Variants in ADAMTSL3 observed in about 807,000 individuals in gnomAD.
The protein encoded by ADAMTSL3 is ADAMTS like 3.
Under a neutral mutation model 201.7 loss-of-function variants are expected in ADAMTSL3, and 128 were observed. That is an observed-to-expected ratio of 0.63 (90% CI 0.55 to 0.73). The LOEUF is 0.73. ADAMTSL3 is among the 30% of genes least tolerant of loss of function. The probability of loss-of-function intolerance (pLI) is 0.00; values close to 1 mark genes in which losing one functional copy is unlikely to be tolerated. For missense variants in ADAMTSL3, 1,990 were observed against 2,119.6 expected, an observed-to-expected ratio of 0.94 and a Z score of 1.20; for synonymous variants, 738 against 748.4, an observed-to-expected ratio of 0.99 and a Z score of 0.23.
chr15:84,008,503 C>T (rs1240755066), intron 23 of ADAMTSL3, among the ~76,000 whole-genome samples: 1 of 152,142 alleles, frequency 6.6e-6, no homozygotes, highest in African/African-American at 2.4e-5. Flanking sequence ...TGTTTTCTAC[C>T]TACCATAGTA....
At chr15:83,667,017 T>C (rs1217880083) in intron 2 of ADAMTSL3, among the ~76,000 whole-genome samples, 4 of 152,094 alleles carry the variant, frequency 2.6e-5, no homozygotes, top group Admixed American at 6.5e-5. Context: ...ATTTTATTTT[T>C]GTTTATGTTT....
At chr15:83,870,992 C>G (rs2065069362) in intron 9 of ADAMTSL3, 33 bp downstream of exon 9, 1 of 1,598,516 alleles carries the variant, frequency 6.3e-7, no homozygotes, top group East Asian at 2.2e-5. Context: ...CTTCATGTAC[C>G]TGAATCCCAG....
At chr15:83,856,805 C>G (rs1019228838) in intron 7 of ADAMTSL3, among the ~76,000 whole-genome samples, 5 of 152,134 alleles carry the variant, frequency 3.3e-5, no homozygotes. Flanking sequence ...TCCCTGCTTT[C>G]AATTCTTTTG....
intron 2 of ADAMTSL3, among the ~76,000 whole-genome samples, chr15:83,682,264 A>G (rs571967997): frequency 2.4e-4 from 37 of 152,288 alleles, no homozygotes; most frequent in Non-Finnish European, 4.0e-4. Flanking sequence ...AGCCTGAGAC[A>G]GACCTGCCCA....
intron 16 of ADAMTSL3, among the ~76,000 whole-genome samples, chr15:83,918,776 A>G (rs1396771124): frequency 6.6e-6 from 1 of 152,228 alleles, no homozygotes; most frequent in Non-Finnish European, 1.5e-5. Context: ...TTATGTGACC[A>G]AATTTTTATT....
chr15:83,719,841 G>T (rs2062073227), intron 3 of ADAMTSL3, among the ~76,000 whole-genome samples: 2 of 152,188 alleles, frequency 1.3e-5, no homozygotes, highest in African/African-American at 2.4e-5. Context: ...TAATAAGGAA[G>T]TTGTGGCTTG....
intron 7 of ADAMTSL3, among the ~76,000 whole-genome samples, chr15:83,848,902 C>T (rs1388152998): frequency 4.6e-5 from 7 of 152,256 alleles, no homozygotes; most frequent in Admixed American, 3.9e-4. Context: ...CATATATTAC[C>T]TCATTGAACA....
chr15:83,988,838 T>A lies in ADAMTSL3; in HGVS notation c.3844+20T>A. 2 of 1,400,300 alleles carry A rather than the reference T, an allele frequency of 1.4e-6. No homozygotes were observed. Among genetic ancestry groups the A allele is most frequent in the Non-Finnish European group, 1.9e-6 (2 of 1,071,098 alleles). The allele number at this position is 1,400,300 out of a possible 1,614,324, so 86.7% of individuals were successfully genotyped here. On this transcript the variant is annotated intron_variant, in intron 22 of 29. Coordinates refer to ENST00000286744, the MANE Select transcript of ADAMTSL3 (RefSeq NM_207517.3). Reference sequence around the variant, plus strand: ...ATGCAGGTAATGCCCACTGTTGAAATCTAGAATGCCTGGTTCTTTATTTTT... The same window carrying A: ...ATGCAGGTAATGCCCACTGTTGAAAACTAGAATGCCTGGTTCTTTATTTTT...
intron 10 of ADAMTSL3, among the ~76,000 whole-genome samples, chr15:83,887,208 G>A (rs1461322097): frequency 2.6e-5 from 4 of 152,184 alleles, no homozygotes; most frequent in Non-Finnish European, 5.9e-5. Flanking sequence ...CTTTAAGCCA[G>A]TGTCTTTGGA....
chr15:83,897,359 A>G (rs1010792258), intron 13 of ADAMTSL3, among the ~76,000 whole-genome samples: 1 of 152,204 alleles, frequency 6.6e-6, no homozygotes, highest in African/African-American at 2.4e-5. Flanking sequence ...GTTTGGCTGA[A>G]TACTCTTTGA....
chr15:83,754,094 G>C (rs1294522543), intron 3 of ADAMTSL3, among the ~76,000 whole-genome samples: 1 of 152,144 alleles, frequency 6.6e-6, no homozygotes, highest in Non-Finnish European at 1.5e-5. Context: ...CTTTGTGGTG[G>C]GGACTGTCCT....
At chr15:83,782,786 C>T (rs1255359166) in intron 4 of ADAMTSL3, among the ~76,000 whole-genome samples, 2 of 151,890 alleles carry the variant, frequency 1.3e-5, no homozygotes, top group Non-Finnish European at 2.9e-5. Context: ...AGACTTAATA[C>T]TTGGGTGACA....
intron 19 of ADAMTSL3, among the ~76,000 whole-genome samples, chr15:83,967,332 C>T (rs1318121309): frequency 6.6e-6 from 1 of 152,148 alleles, no homozygotes; most frequent in African/African-American, 2.4e-5. Flanking sequence ...TCAGCAAAGT[C>T]TCAGGATACA....
intron 2 of ADAMTSL3, among the ~76,000 whole-genome samples, chr15:83,677,522 G>A (rs1465471178): frequency 3.3e-5 from 5 of 151,492 alleles, no homozygotes; most frequent in East Asian, 1.9e-4. Flanking sequence ...CTATGTCTCC[G>A]ATATTTTTCT....
chr15:83,664,099 G>T (rs944752573), intron 2 of ADAMTSL3, among the ~76,000 whole-genome samples: 3 of 152,162 alleles, frequency 2.0e-5, no homozygotes, highest in Non-Finnish European at 2.9e-5. Flanking sequence ...TCATGACGAT[G>T]TCGTCTCTCA....
chr15:83,992,172 T>G (rs1408972609), intron 23 of ADAMTSL3, among the ~76,000 whole-genome samples: 1 of 152,130 alleles, frequency 6.6e-6, no homozygotes, highest in Non-Finnish European at 1.5e-5. Context: ...TTGCTGCTGC[T>G]CTTAGAAATG....
At chr15:83,978,088 A>G (rs2067317613) in intron 20 of ADAMTSL3, among the ~76,000 whole-genome samples, 1 of 152,058 alleles carries the variant, frequency 6.6e-6, no homozygotes, top group South Asian at 2.1e-4. Context: ...ATAGGAAGGT[A>G]TTGATGCTGT....
intron 7 of ADAMTSL3, among the ~76,000 whole-genome samples, chr15:83,851,671 T>C (rs1312012457): frequency 1.3e-5 from 2 of 152,180 alleles, no homozygotes; most frequent in Non-Finnish European, 2.9e-5. Context: ...TTGACAAACA[T>C]GTCATGTATT....
At chr15:83,704,591 A>G in intron 3 of ADAMTSL3, 83 bp downstream of exon 3, 1 of 1,550,528 alleles carries the variant, frequency 6.4e-7, no homozygotes, top group Non-Finnish European at 8.8e-7. Context: ...CCTTCAAAGT[A>G]ATTATATTTT....
Sources: gnomAD v4.1 joint callset for allele counts (sites outside exome capture counted in the v4.1 genomes callset) on GRCh38, gnomAD v4.1.1 for gene constraint, MANE v1.5 for transcripts, NCBI Gene and HGNC (gene_info 2026-07-23, HGNC 2026-07-21) for gene names.